IGSF5: variants seen among roughly 807,000 people sequenced by gnomAD.
IGSF5 encodes the protein immunoglobulin superfamily 5 like.
Under a neutral mutation model 39.4 loss-of-function variants are expected in IGSF5, and 41 were observed. The ratio of observed to expected loss-of-function variants is 1.04; its 90% CI spans 0.81 to 1.35. IGSF5 has a LOEUF of 1.35. IGSF5 is among the 40% of genes most tolerant of loss of function. IGSF5 has a pLI of 0.00. For synonymous variants in IGSF5, 183 were observed against 175.3 expected (o/e 1.04, Z -0.34); for missense variants, 487 against 494.6 (o/e 0.98, Z 0.15).
At chr21:39,774,496 T>C (rs779484414) in intron 4 of IGSF5, among the ~76,000 whole-genome samples, 6 of 152,252 alleles carry the variant, frequency 3.9e-5, no homozygotes, top group Non-Finnish European at 7.3e-5. Context: ...TGGTTTATAG[T>C]TCAAAAGGTT....
At chr21:39,713,846 GT>G in the IGSF5 span, among the ~76,000 whole-genome samples, 2 of 152,180 alleles carry the variant, frequency 1.3e-5, no homozygotes, top group Non-Finnish European at 2.9e-5. Flanking sequence ...GATCTATGGG[GT>G]TCCTGATCTT....
chr21:39,733,924 G>A, the IGSF5 span, among the ~76,000 whole-genome samples: 1 of 152,090 alleles, frequency 6.6e-6, no homozygotes, highest in Non-Finnish European at 1.5e-5. Flanking sequence ...AAGGATATCA[G>A]TCATATCGAA....
Position 39,788,199 on chromosome 21 carries a change from A to G in IGSF5, c.956+11A>G. The G allele has an allele frequency of 6.3e-7, 1 of 1,578,180 alleles. No homozygotes were observed. Among genetic ancestry groups the G allele is most frequent in the Admixed American group, 1.7e-5 (1 of 58,884 alleles). The stretch of plus-strand genomic sequence containing the variant: ...TATTCAATTTCAAAAGTAAGTTTGA[A>G]ACCACATCTATTTTCTGAAAACAAA... On this transcript the variant is annotated intron_variant, in intron 6 of 8. Coordinates refer to ENST00000380588, the MANE Select transcript of IGSF5 (RefSeq NM_001080444.2).
intron 5 of IGSF5, among the ~76,000 whole-genome samples, chr21:39,779,673 G>A (rs1324737719): frequency 6.6e-6 from 1 of 152,188 alleles, no homozygotes; most frequent in South Asian, 2.1e-4. Flanking sequence ...TAGATGAATG[G>A]ATAAAGAAAA....
chr21:39,785,936 C>T (rs1233021609), intron 5 of IGSF5, among the ~76,000 whole-genome samples: 1 of 152,144 alleles, frequency 6.6e-6, no homozygotes, highest in Non-Finnish European at 1.5e-5. Flanking sequence ...CCCTTCCTTA[C>T]ACCTTACACA....
chr21:39,734,755 A>C, the IGSF5 span, among the ~76,000 whole-genome samples: 17 of 151,970 alleles, frequency 1.1e-4, no homozygotes, highest in Admixed American at 1.1e-3. Context: ...GATGTTATCA[A>C]ATTGATGGGA....
the IGSF5 span, among the ~76,000 whole-genome samples, chr21:39,728,515 G>C: frequency 6.6e-6 from 1 of 152,162 alleles, no homozygotes. Context: ...CCAACCTCCA[G>C]AAATGTGAGA....
intron 3 of IGSF5, among the ~76,000 whole-genome samples, chr21:39,770,100 T>C (rs1211946858): frequency 3.9e-5 from 6 of 152,204 alleles, no homozygotes; most frequent in African/African-American, 1.4e-4. Context: ...TTATGTTGTG[T>C]AGTCCAGAGT....
intron 3 of IGSF5, among the ~76,000 whole-genome samples, chr21:39,767,054 C>T (rs1217156729): frequency 2.6e-5 from 4 of 152,110 alleles, no homozygotes; most frequent in Non-Finnish European, 5.9e-5. Context: ...ATTAGGGGCA[C>T]AATTCTATTT....
At chr21:39,725,033 C>A in the IGSF5 span, among the ~76,000 whole-genome samples, 1 of 152,266 alleles carries the variant, frequency 6.6e-6, no homozygotes, top group Non-Finnish European at 1.5e-5. Context: ...TCTCATCGTG[C>A]TGGCAAATGA....
the IGSF5 span, among the ~76,000 whole-genome samples, chr21:39,717,383 T>C: frequency 6.6e-6 from 1 of 152,236 alleles, no homozygotes; most frequent in Non-Finnish European, 1.5e-5. Flanking sequence ...TTTGTTGTGA[T>C]TGCTTTTGGT....
At chr21:39,718,913 T>A in the IGSF5 span, among the ~76,000 whole-genome samples, 1 of 152,198 alleles carries the variant, frequency 6.6e-6, no homozygotes, top group Non-Finnish European at 1.5e-5. Flanking sequence ...GAATAGTTTC[T>A]GTAGGAGTGG....
At chr21:39,754,318 A>G (rs541402108) in intron 2 of IGSF5, among the ~76,000 whole-genome samples, 10 of 152,314 alleles carry the variant, frequency 6.6e-5, no homozygotes, top group African/African-American at 2.4e-4. Flanking sequence ...TAGGACTTCA[A>G]TCCCTTCTGG....
chr21:39,792,840 G>A (rs1655174525), intron 7 of IGSF5, among the ~76,000 whole-genome samples: 1 of 152,146 alleles, frequency 6.6e-6, no homozygotes, highest in African/African-American at 2.4e-5. Flanking sequence ...GCCGATGAGA[G>A]GGGAAGGCTG....
chr21:39,787,143 A>G (rs2086926955), intron 5 of IGSF5, among the ~76,000 whole-genome samples: 1 of 152,216 alleles, frequency 6.6e-6, no homozygotes, highest in South Asian at 2.1e-4. Flanking sequence ...GCCAAAATTG[A>G]CAAATGGGAT....
intron 4 of IGSF5, among the ~76,000 whole-genome samples, chr21:39,776,206 A>ACCTAT (rs1249031551): frequency 4.2e-5 from 3 of 71,152 alleles, no homozygotes; most frequent in Non-Finnish European, 1.2e-4. Flanking sequence ...CTATGTGTAT[A>ACCTAT]GATATAAAAT....
At chr21:39,775,573 C>T (rs1303455888) in intron 4 of IGSF5, among the ~76,000 whole-genome samples, 1 of 152,140 alleles carries the variant, frequency 6.6e-6, no homozygotes, top group Non-Finnish European at 1.5e-5. Context: ...CTTTTCTTCA[C>T]AGATGGGAAA....
At chr21:39,714,304 T>C in the IGSF5 span, among the ~76,000 whole-genome samples, 1 of 152,218 alleles carries the variant, frequency 6.6e-6, no homozygotes, top group Non-Finnish European at 1.5e-5. Context: ...AGGGATATGA[T>C]GGAATCCATT....
intron 6 of IGSF5, 99 bp downstream of exon 6, chr21:39,788,287 G>T (rs2146292139): frequency 1.1e-6 from 1 of 878,116 alleles, no homozygotes; most frequent in Non-Finnish European, 1.8e-6. Context: ...CGGGATTTTT[G>T]GATTTATGTT....
Sources: allele counts gnomAD v4.1 joint callset (sites outside exome capture counted in the v4.1 genomes callset), GRCh38; gene constraint gnomAD v4.1.1; transcripts MANE v1.5; gene names NCBI Gene and HGNC (gene_info 2026-07-23, HGNC 2026-07-21).